The following ADK variants were observed in gnomAD, a reference collection of about 807,000 sequenced individuals.
ADK encodes the protein N6,N6-dimethyladenosine kinase.
In ADK, 24 loss-of-function variants were observed where a neutral mutation model predicts 44.7. That is an observed-to-expected ratio of 0.54 (90% CI 0.39 to 0.76). ADK has a LOEUF of 0.76. Ranked by LOEUF, ADK falls within the 30% of genes least tolerant of loss-of-function variation. ADK has a pLI of 0.00. For synonymous variants in ADK, 128 were observed against 142.6 expected, an observed-to-expected ratio of 0.90 and a Z score of 0.73; for missense variants, 321 against 425.1, an observed-to-expected ratio of 0.76 and a Z score of 2.15.
chr10:74,414,194 A>G (rs1417646686), intron 6 of ADK, among the ~76,000 whole-genome samples: 1 of 152,246 alleles, frequency 6.6e-6, no homozygotes, highest in Non-Finnish European at 1.5e-5. Flanking sequence ...CAGGCTTGCC[A>G]TAAACCTTCG....
intron 9 of ADK, among the ~76,000 whole-genome samples, chr10:74,651,794 C>T (rs1854282171): frequency 6.6e-6 from 1 of 152,058 alleles, no homozygotes; most frequent in South Asian, 2.1e-4. Flanking sequence ...CTCCAGCACA[C>T]CACTGACAGT....
intron 1 of ADK, among the ~76,000 whole-genome samples, chr10:74,189,283 A>G (rs558648807): frequency 1.3e-5 from 2 of 152,176 alleles, no homozygotes; most frequent in African/African-American, 2.4e-5. Flanking sequence ...TCAATTTTAC[A>G]TGGTGTTCAG....
At chr10:74,431,881 C>T (rs1845012750) in intron 6 of ADK, among the ~76,000 whole-genome samples, 1 of 152,038 alleles carries the variant, frequency 6.6e-6, no homozygotes, top group Non-Finnish European at 1.5e-5. Flanking sequence ...AGACAAAAGG[C>T]TTTCTGAGCT....
intron 7 of ADK, among the ~76,000 whole-genome samples, chr10:74,546,953 CAT>C (rs1165055067): frequency 2.6e-5 from 4 of 152,234 alleles, no homozygotes; most frequent in East Asian, 1.9e-4. Context: ...TTAAAATTAA[CAT>C]GTGTCATATC....
rs113561748 is a variant in ADK at position 74,359,158 on chromosome 10, A to G, written c.274-34983A>G. On this transcript the variant is annotated intron_variant, in intron 4 of 10. Coordinates refer to ENST00000539909, the MANE Select transcript of ADK (RefSeq NM_006721.4). ...AGGATCTAGTTTGATTCTTCTCCAT[A>G]TGGATATCTTTGGTCTATATATTTA... is the stretch of plus-strand genomic sequence containing the variant. 7.2e-5 allele frequency among the ~76,000 whole-genome samples: 11 copies of G among 152,214 alleles called. 1 individual carries two copies. The highest frequency in any genetic ancestry group is 2.2e-4 in the African/African-American group (9 of 41,532).
In ADK at chr10:74,565,830, T is replaced by G. The variant is rs953127161; in HGVS notation, c.727-23452T>G. Among the ~76,000 whole-genome samples, 5 of 151,998 alleles carry G rather than the reference T, an allele frequency of 3.3e-5. No individual in the cohort carries two copies. In the East Asian group the frequency reaches 9.6e-4, roughly 29 times the overall value. ...TATTTTTCAGATTAATGAATATGAT[T>G]AAAATTAAGATGGAATAAAAATTAA... On this transcript the variant is annotated intron_variant, in intron 7 of 10. Coordinates refer to ENST00000539909, the MANE Select transcript of ADK (RefSeq NM_006721.4).
At chr10:74,550,904 T>C (rs1850012930) in intron 7 of ADK, among the ~76,000 whole-genome samples, 1 of 152,222 alleles carries the variant, frequency 6.6e-6, no homozygotes, top group Non-Finnish European at 1.5e-5. Flanking sequence ...GGTTTCACCA[T>C]GTTGTCCAGG....
At chr10:74,200,866 A>T in intron 2 of ADK, 28 bp downstream of exon 2, 1 of 1,380,108 alleles carries the variant, frequency 7.2e-7, no homozygotes, top group Non-Finnish European at 1.0e-6. Context: ...CATATGCACT[A>T]TGTGGAACTT....
chr10:74,266,126 A>G (rs892678592), intron 3 of ADK, among the ~76,000 whole-genome samples: 5 of 152,226 alleles, frequency 3.3e-5, no homozygotes, highest in African/African-American at 1.2e-4. Flanking sequence ...GCAATAGAAG[A>G]AGACTAGCCT....
At chr10:74,429,598 A>C (rs577525060) in intron 6 of ADK, among the ~76,000 whole-genome samples, 1 of 152,298 alleles carries the variant, frequency 6.6e-6, no homozygotes, top group Non-Finnish European at 1.5e-5. Flanking sequence ...ATATTAATAG[A>C]CTTTGAGCTA....
intron 4 of ADK, among the ~76,000 whole-genome samples, chr10:74,326,588 G>A (rs1453803093): frequency 6.6e-6 from 1 of 152,064 alleles, no homozygotes; most frequent in Middle Eastern, 3.2e-3. Flanking sequence ...TCCAGCCTGG[G>A]CAACAGAGCA....
At chr10:74,484,950 C>T (rs904730844) in intron 6 of ADK, among the ~76,000 whole-genome samples, 1 of 151,682 alleles carries the variant, frequency 6.6e-6, no homozygotes, top group Admixed American at 6.6e-5. Flanking sequence ...TGGAAGGTAA[C>T]TTTTGAGAAT....
At chr10:74,549,534 C>T (rs1266661560) in intron 7 of ADK, among the ~76,000 whole-genome samples, 1 of 152,122 alleles carries the variant, frequency 6.6e-6, no homozygotes, top group African/African-American at 2.4e-5. Flanking sequence ...TTCCCAGGCT[C>T]AGGTGATCCT....
At chr10:74,162,024 T>C (rs754541498) in intron 1 of ADK, among the ~76,000 whole-genome samples, 11 of 151,990 alleles carry the variant, frequency 7.2e-5, no homozygotes, top group Non-Finnish European at 1.3e-4. Context: ...TTAAAGATTT[T>C]TTTGTTTGTT....
At chr10:74,267,754 T>G (rs796844152) in intron 3 of ADK, among the ~76,000 whole-genome samples, 15 of 132,734 alleles carry the variant, frequency 1.1e-4, no homozygotes, top group African/African-American at 2.8e-4. Flanking sequence ...ATATCCTTAT[T>G]TGTGTGTGTG....
intron 4 of ADK, among the ~76,000 whole-genome samples, chr10:74,348,338 A>G (rs1176578414): frequency 6.6e-6 from 1 of 152,198 alleles, no homozygotes; most frequent in African/African-American, 2.4e-5. Flanking sequence ...CCTGCAGAAG[A>G]GGTGCCTGAC....
At chr10:74,435,366 A>G (rs1412913063) in intron 6 of ADK, among the ~76,000 whole-genome samples, 13 of 152,194 alleles carry the variant, frequency 8.5e-5, no homozygotes, top group Admixed American at 7.9e-4. Flanking sequence ...GGTATAATTC[A>G]TCCGCCTTTA....
At chr10:74,510,163 C>T (rs113875898) in intron 6 of ADK, among the ~76,000 whole-genome samples, 18 of 152,232 alleles carry the variant, frequency 1.2e-4, no homozygotes, top group African/African-American at 4.3e-4. Flanking sequence ...TCCAACTATT[C>T]TCCATAGTGG....
intron 7 of ADK, among the ~76,000 whole-genome samples, chr10:74,540,729 G>A (rs1018498052): frequency 2.0e-5 from 3 of 151,994 alleles, no homozygotes; most frequent in Non-Finnish European, 2.9e-5. Flanking sequence ...CATGTGCTGG[G>A]GTTACAGGAG....
Sources: allele counts gnomAD v4.1 joint callset (sites outside exome capture counted in the v4.1 genomes callset), GRCh38; gene constraint gnomAD v4.1.1; transcripts MANE v1.5; gene names NCBI Gene and HGNC (gene_info 2026-07-23, HGNC 2026-07-21).